The following ZNF43 variants were observed in gnomAD, a reference collection of about 807,000 sequenced individuals.
ZNF43 encodes the protein zinc finger protein 43, also known as zinc finger protein 39-like 1 (KOX 27).
Under a neutral mutation model 68.4 loss-of-function variants are expected in ZNF43, and 44 were observed. The observed-to-expected ratio is 0.64, with a 90% CI of 0.51 to 0.83. The LOEUF is 0.83. ZNF43 is among the 40% of genes least tolerant of loss of function. ZNF43 has a pLI of 0.00. For missense variants in ZNF43, 896 were observed against 933.2 expected (o/e 0.96, Z 0.52); for synonymous variants, 308 against 307.8 (o/e 1.00, Z -0.01).
chr19:21,812,469 C>T (rs2037325354), intron 3 of ZNF43, among the ~76,000 whole-genome samples: 1 of 149,886 alleles, frequency 6.7e-6, no homozygotes, highest in African/African-American at 2.5e-5. Context: ...TGGAAATGGA[C>T]AAATAATTGA....
rs996487022 is a variant in ZNF43, at chr19:21,806,317, T to C, written c.*1290A>G. On this transcript the variant is annotated 3_prime_UTR_variant, in exon 4 of 4. Coordinates refer to ENST00000354959, the MANE Select transcript of ZNF43 (RefSeq NM_003423.4). ...TCAGCCTTTGAAGTAGCTGGGATTATAGGTGCCTGGTAAATTTTTGTATTT... is the reference window on the plus strand; with the variant it reads ...TCAGCCTTTGAAGTAGCTGGGATTACAGGTGCCTGGTAAATTTTTGTATTT... 2 of 151,998 alleles carry C rather than the reference T, an allele frequency of 1.3e-5. No homozygotes were observed. Among genetic ancestry groups the C allele is most frequent in the East Asian group, 1.9e-4 (1 of 5,152 alleles). 9.4% of individuals were successfully genotyped at this position (151,998 alleles called of 1,614,324 possible). A position where few individuals can be genotyped will look rare whatever the true frequency, so the allele number is the denominator to read the frequency against.
chr19:21,829,178 C>T lies in ZNF43; in HGVS notation c.3+6858G>A, dbSNP rs575036945. Reference sequence around the variant, plus strand: ...GGCAGAGGTCACAGTGAACCGAGATCGTGCCACTGCACTCGAGCCTGGGTG... The same window carrying T: ...GGCAGAGGTCACAGTGAACCGAGATTGTGCCACTGCACTCGAGCCTGGGTG... On this transcript the variant is annotated intron_variant, in intron 1 of 3. Transcript: ENST00000354959. Among the ~76,000 whole-genome samples the T allele has an allele frequency of 7.3e-5, 11 of 150,906 alleles. No individual in the cohort carries two copies. The East Asian group carries it at 1.2e-3, about 16-fold the overall frequency.
At chr19:21,834,604 A>G (rs1359625650) in intron 1 of ZNF43, among the ~76,000 whole-genome samples, 1 of 151,856 alleles carries the variant, frequency 6.6e-6, no homozygotes, top group Non-Finnish European at 1.5e-5. Flanking sequence ...TAAAAATACA[A>G]AAAAATTAAC....
At chr19:21,841,849 A>G (rs1967554064) in intron 1 of ZNF43, among the ~76,000 whole-genome samples, 1 of 152,238 alleles carries the variant, frequency 6.6e-6, no homozygotes, top group African/African-American at 2.4e-5. Context: ...AGGTGAAGAG[A>G]GTCCCATCAC....
intron 1 of ZNF43, among the ~76,000 whole-genome samples, chr19:21,821,103 G>A (rs2037818811): frequency 6.7e-6 from 1 of 149,514 alleles, no homozygotes; most frequent in Non-Finnish European, 1.5e-5. Flanking sequence ...TCAAAGTGGT[G>A]GGATTACAGG....
intron 1 of ZNF43, among the ~76,000 whole-genome samples, chr19:21,833,492 A>G (rs2038527010): frequency 6.7e-6 from 1 of 149,714 alleles, no homozygotes. Context: ...CTGGTCTTGA[A>G]CTCCTGACCT....
chr19:21,824,344 G>T (rs1293171735), intron 1 of ZNF43, among the ~76,000 whole-genome samples: 1 of 152,114 alleles, frequency 6.6e-6, no homozygotes. Context: ...ACATTTTGTG[G>T]TCTTGATCTC....
chr19:21,833,990 G>A (rs571282233), intron 1 of ZNF43, among the ~76,000 whole-genome samples: 8 of 152,110 alleles, frequency 5.3e-5, no homozygotes, highest in Non-Finnish European at 1.2e-4. Flanking sequence ...TGGCTCCACT[G>A]CAGTCAAGCC....
chr19:21,835,236 C>T (rs1599525229), intron 1 of ZNF43, among the ~76,000 whole-genome samples: 1 of 76,872 alleles, frequency 1.3e-5, no homozygotes, highest in South Asian at 3.7e-4. Flanking sequence ...GCAGCAAAAG[C>T]GAAAGTCCAT....
At chr19:21,839,022 G>A (rs2145373455), upstream of ZNF43, 1 of 152,172 alleles carries the variant, frequency 6.6e-6, no homozygotes, top group South Asian at 2.1e-4. Context: ...AGCTCCTGTG[G>A]TTAGGGTCAA....
Position 21,806,256 on chromosome 19 carries a change from G to A in ZNF43, c.*1351C>T, listed in dbSNP as rs1217528148. On this transcript the variant is annotated 3_prime_UTR_variant, in exon 4 of 4. Transcript: ENST00000354959. ...CAATGGTATGATTTCGGCTCACTGA[G>A]ACCTCCACTTTCCAGGTTCAAGTGA... is the stretch of plus-strand genomic sequence containing the variant. 1 of 150,120 alleles carries A rather than the reference G, an allele frequency of 6.7e-6. No homozygotes were observed. Among genetic ancestry groups the A allele is most frequent in the Non-Finnish European group, 1.5e-5 (1 of 67,848 alleles). 9.3% of individuals were successfully genotyped at this position (150,120 alleles called of 1,614,324 possible).
At chr19:21,831,604 C>G (rs2038429701) in intron 1 of ZNF43, among the ~76,000 whole-genome samples, 1 of 152,078 alleles carries the variant, frequency 6.6e-6, no homozygotes, top group Admixed American at 6.6e-5. Context: ...TGTGATCCGC[C>G]CACCTCGGCC....
chr19:21,850,544 G>A (rs111576368), intron 1 of ZNF43, among the ~76,000 whole-genome samples: 5,146 of 152,104 alleles, frequency 0.034, 306 homozygotes, highest in African/African-American at 0.12. Context: ...TGGGAGACAA[G>A]GCGATTCTCT....
At chr19:21,845,808 G>A (rs1185668952) in intron 1 of ZNF43, among the ~76,000 whole-genome samples, 2 of 151,360 alleles carry the variant, frequency 1.3e-5, no homozygotes, top group East Asian at 2.0e-4. Context: ...CAGGAGAGTC[G>A]CTTGAACCCA....
At chr19:21,847,370 G>C (rs536920121) in intron 1 of ZNF43, among the ~76,000 whole-genome samples, 2 of 152,216 alleles carry the variant, frequency 1.3e-5, no homozygotes, top group East Asian at 3.9e-4. Context: ...TTGATGTTAG[G>C]TCTCTGTGAG....
chr19:21,836,448 C>T (rs576385077), upstream of ZNF43, among the ~76,000 whole-genome samples: 121 of 152,346 alleles, frequency 7.9e-4, no homozygotes, highest in Non-Finnish European at 1.5e-3. Flanking sequence ...AGGTCATCTT[C>T]ACTTATAAGT....
In ZNF43 at chr19:21,836,012, G is replaced by A. The variant is rs572613676; in HGVS notation, c.3+24C>T. 15 of 1,613,868 alleles carry A rather than the reference G, an allele frequency of 9.3e-6. No individual in the cohort carries two copies. The East Asian group carries it at 3.1e-4, about 34-fold the overall frequency. On this transcript the variant is annotated intron_variant, in intron 1 of 3. Coordinates refer to ENST00000354959, the MANE Select transcript of ZNF43 (RefSeq NM_003423.4). Reference sequence around the variant, plus strand: ...CACGCCACAGCCCCTTCCCCCTCTCGGGATGTCGGACCGGCACTCTCACCA... The same window carrying A: ...CACGCCACAGCCCCTTCCCCCTCTCAGGATGTCGGACCGGCACTCTCACCA...
In ZNF43 at chr19:21,808,680, G is replaced by A. The variant is rs544627657; in HGVS notation, c.1357C>T (p.Pro453Ser). 6.2e-7 allele frequency: 1 copy of A among 1,613,272 alleles called. No individual in the cohort carries two copies. Residue 453 changes from proline (P) to serine (S), a missense_variant, in exon 4 of 4, where the codon CCC becomes TCC. By Grantham distance (74) the Pro-to-Ser change is moderately conservative. Coordinates refer to ENST00000354959, the MANE Select transcript of ZNF43 (RefSeq NM_003423.4). The stretch of plus-strand genomic sequence containing the variant: ...TTGCCACATACTTCACATTTGTAGG[G>A]TTTCTCTCCAGTATGAATTCTGTTA... ...KHNRIHTGEK[P>S]YKCEVCGKAF...
At chr19:21,851,847 TC>T in intron 1 of ZNF43, 1 of 1,519,870 alleles carries the variant, frequency 6.6e-7, no homozygotes, top group Admixed American at 2.0e-5. Context: ...AGGAGGCCGG[TC>T]CCGCCACTTT....
Sources: gnomAD v4.1 joint callset for allele counts (sites outside exome capture counted in the v4.1 genomes callset) on GRCh38, gnomAD v4.1.1 for gene constraint, MANE v1.5 for transcripts, NCBI Gene and HGNC (gene_info 2026-07-23, HGNC 2026-07-21) for gene names.